Variants in MNAT1 observed in about 807,000 individuals in gnomAD.
MNAT1 encodes CDK-activating kinase assembly factor MAT1.
In MNAT1, 43 loss-of-function variants were observed where a neutral mutation model predicts 42.0. The ratio of observed to expected loss-of-function variants is 1.02; its 90% confidence interval spans 0.80 to 1.32. MNAT1 has a LOEUF of 1.32. Among genes scored for constraint, MNAT1 ranks in the 40% most tolerant of loss-of-function variants. The pLI is 0.00. For missense variants in MNAT1, 306 were observed against 350.4 expected, an observed-to-expected ratio of 0.87 and a Z score of 1.01; for synonymous variants, 118 against 120.0, an observed-to-expected ratio of 0.98 and a Z score of 0.11.
intron 1 of MNAT1, among the ~76,000 whole-genome samples, chr14:60,749,028 A>G (rs2029955451): frequency 6.6e-6 from 1 of 152,206 alleles, no homozygotes; most frequent in Admixed American, 6.5e-5. Flanking sequence ...TCATTAGGTG[A>G]TAGGAATTTT....
chr14:60,809,282 G>A (rs1031130350), intron 4 of MNAT1, among the ~76,000 whole-genome samples: 10 of 152,226 alleles, frequency 6.6e-5, no homozygotes, highest in Admixed American at 5.9e-4. Context: ...TTTGTATTTA[G>A]AAGAGACTTC....
At chr14:60,945,896 T>G (rs2036264039) in intron 7 of MNAT1, among the ~76,000 whole-genome samples, 1 of 152,142 alleles carries the variant, frequency 6.6e-6, no homozygotes, top group Admixed American at 6.5e-5. Flanking sequence ...CTCTTTATAC[T>G]CAGCAACTAA....
At chr14:60,896,395 CAAAG>C (rs1233661169) in intron 7 of MNAT1, among the ~76,000 whole-genome samples, 3 of 152,114 alleles carry the variant, frequency 2.0e-5, no homozygotes, top group Non-Finnish European at 4.4e-5. Flanking sequence ...ACCTTCCACT[CAAAG>C]AAGAGTTATT....
chr14:60,926,797 C>T (rs1298948998), intron 7 of MNAT1, among the ~76,000 whole-genome samples: 2 of 152,160 alleles, frequency 1.3e-5, no homozygotes, highest in Admixed American at 1.3e-4. Context: ...TCAGCCTCCT[C>T]CCTTCCCTAG....
chr14:60,779,061 T>C (rs2031352101), intron 1 of MNAT1, among the ~76,000 whole-genome samples: 4 of 152,176 alleles, frequency 2.6e-5, no homozygotes, highest in Admixed American at 2.6e-4. Flanking sequence ...TTTTAAGCCA[T>C]GCCTGCTGTC....
At position 60,902,579 on chromosome 14, in the gene MNAT1, A is replaced by G. The variant is rs373271064; in HGVS notation, c.809+22744A>G. Among the ~76,000 whole-genome samples, 3 of 152,288 alleles carry G rather than the reference A, an allele frequency of 2.0e-5. No individual in the cohort carries two copies. The East Asian group carries it at 5.8e-4, about 29-fold the overall frequency. Reference sequence around the variant, plus strand: ...ATAAAATACTGTGAATCAAGTAATGAAACATCAAAAGCCACCAACAACTTA... The same window carrying G: ...ATAAAATACTGTGAATCAAGTAATGGAACATCAAAAGCCACCAACAACTTA... On this transcript the variant is annotated intron_variant, in intron 7 of 7. Coordinates refer to ENST00000261245, the MANE Select transcript of MNAT1 (RefSeq NM_002431.4).
chr14:60,953,152 G>A (rs528184374), intron 7 of MNAT1, among the ~76,000 whole-genome samples: 8 of 152,142 alleles, frequency 5.3e-5, no homozygotes, highest in Non-Finnish European at 1.0e-4. Context: ...ATTCACTTCT[G>A]AAATAAAACT....
At chr14:60,940,489 C>T (rs1343102408) in intron 7 of MNAT1, among the ~76,000 whole-genome samples, 1 of 152,208 alleles carries the variant, frequency 6.6e-6, no homozygotes, top group Non-Finnish European at 1.5e-5. Context: ...ACGATCTTGG[C>T]TCACTGCAAG....
intron 1 of MNAT1, among the ~76,000 whole-genome samples, chr14:60,767,552 C>T (rs1385957879): frequency 6.6e-6 from 1 of 151,702 alleles, no homozygotes; most frequent in Non-Finnish European, 1.5e-5. Context: ...TCTAATTGAT[C>T]TTGGAGGCAA....
chr14:60,934,643 A>G (rs1308987299), intron 7 of MNAT1, among the ~76,000 whole-genome samples: 1 of 152,200 alleles, frequency 6.6e-6, no homozygotes, highest in Admixed American at 6.5e-5. Context: ...AGGCCTCCCC[A>G]GCCATGTAGA....
intron 1 of MNAT1, among the ~76,000 whole-genome samples, chr14:60,745,509 C>T (rs1389766409): frequency 2.0e-5 from 3 of 152,098 alleles, no homozygotes; most frequent in Admixed American, 6.5e-5. Flanking sequence ...CTTTGCCTCC[C>T]GGGTTCAAGC....
At chr14:60,857,670 C>T (rs1293772129) in intron 6 of MNAT1, among the ~76,000 whole-genome samples, 1 of 152,028 alleles carries the variant, frequency 6.6e-6, no homozygotes, top group Non-Finnish European at 1.5e-5. Context: ...GGTTTGCTGT[C>T]CCCATCAACT....
chr14:60,882,787 A>G (rs2139468860), intron 7 of MNAT1, among the ~76,000 whole-genome samples: 1 of 152,068 alleles, frequency 6.6e-6, no homozygotes, highest in East Asian at 1.9e-4. Flanking sequence ...CTGGGATGAG[A>G]TTCTATCTCA....
intron 7 of MNAT1, among the ~76,000 whole-genome samples, chr14:60,890,724 T>TG (rs2034822353): frequency 6.6e-6 from 1 of 152,216 alleles, no homozygotes; most frequent in Admixed American, 6.6e-5. Flanking sequence ...GGGAGAAAGA[T>TG]GAAGTCTGGA....
intron 1 of MNAT1, among the ~76,000 whole-genome samples, chr14:60,759,850 T>C (rs1053540169): frequency 6.6e-6 from 1 of 152,182 alleles, no homozygotes; most frequent in African/African-American, 2.4e-5. Context: ...TATCTAGCCT[T>C]AGGTCAAATA....
chr14:60,873,241 A>G (rs1163033104), intron 6 of MNAT1, among the ~76,000 whole-genome samples: 1 of 151,754 alleles, frequency 6.6e-6, no homozygotes, highest in African/African-American at 2.4e-5. Context: ...GTTTCTCGTG[A>G]CATTGACCTA....
chr14:60,911,422 T>G (rs918157370), intron 7 of MNAT1, among the ~76,000 whole-genome samples: 7 of 152,194 alleles, frequency 4.6e-5, no homozygotes, highest in Admixed American at 2.0e-4. Flanking sequence ...TGTTAGGGTG[T>G]CAATTTTAGA....
At chr14:60,916,377 A>G (rs1396459718) in intron 7 of MNAT1, among the ~76,000 whole-genome samples, 1 of 152,206 alleles carries the variant, frequency 6.6e-6, no homozygotes, top group Admixed American at 6.5e-5. Flanking sequence ...GCATTGGGCC[A>G]GGTGCTATGG....
chr14:60,898,095 TTGTG>T (rs756357048), intron 7 of MNAT1, among the ~76,000 whole-genome samples: 1,862 of 143,716 alleles, frequency 0.013, 38 homozygotes, highest in African/African-American at 0.037. Context: ...TAGTAATACA[TTGTG>T]TGTGTGTGTG....
Sources: gnomAD v4.1 joint callset for allele counts (sites outside exome capture counted in the v4.1 genomes callset) on GRCh38, gnomAD v4.1.1 for gene constraint, MANE v1.5 for transcripts, NCBI Gene and HGNC (gene_info 2026-07-23, HGNC 2026-07-21) for gene names.